FSTL4: variants seen among roughly 807,000 people sequenced by gnomAD.
FSTL4 encodes the protein follistatin-related protein 4.
Under a neutral mutation model 78.2 loss-of-function variants are expected in FSTL4, and 28 were observed. The observed-to-expected ratio is 0.36, with a 90% CI of 0.27 to 0.49. The LOEUF (loss-of-function observed/expected upper bound fraction) is 0.49. Ranked by LOEUF, FSTL4 falls within the 20% of genes least tolerant of loss-of-function variation. The pLI is 0.98. For synonymous variants in FSTL4, 422 were observed against 440.5 expected (o/e 0.96, Z 0.53); for missense variants, 922 against 1,084.9 (o/e 0.85, Z 2.11).
Position 133,233,405 on chromosome 5 carries a change from C to G in FSTL4, c.1015+12G>C, listed in dbSNP as rs906184760. On this transcript the variant is annotated intron_variant, in intron 8 of 15. Transcript: ENST00000265342. ...CTATGAGGGGACAACATGCATGGAG[C>G]CATTTACTAACCATTCACCTGCAGG... 61 of 1,613,946 alleles carry G rather than the reference C, an allele frequency of 3.8e-5. No homozygotes were observed. The highest frequency in any genetic ancestry group is 5.2e-5 in the Non-Finnish European group (61 of 1,179,974).
chr5:133,402,224 A>G (rs1375782467), intron 3 of FSTL4, among the ~76,000 whole-genome samples: 1 of 152,182 alleles, frequency 6.6e-6, no homozygotes, highest in Non-Finnish European at 1.5e-5. Flanking sequence ...TACAACACCC[A>G]CAGTGATCTC....
chr5:133,432,131 G>A (rs1203682988), intron 3 of FSTL4, among the ~76,000 whole-genome samples: 1 of 152,052 alleles, frequency 6.6e-6, no homozygotes, highest in African/African-American at 2.4e-5. Context: ...CTCCATTCAA[G>A]CAGGGCAAGA....
At chr5:133,604,093 G>T in intron 1 of FSTL4, 100 bp from the exon 2 acceptor site, 1 of 846,894 alleles carries the variant, frequency 1.2e-6, no homozygotes, top group Non-Finnish European at 1.9e-6. Flanking sequence ...GATAAGCCTG[G>T]GTTTAAATCC....
chr5:133,582,837 C>A (rs256262), intron 2 of FSTL4, among the ~76,000 whole-genome samples: 55 of 152,042 alleles, frequency 3.6e-4, no homozygotes, highest in African/African-American at 1.3e-3. Flanking sequence ...CCCTGTATGT[C>A]CCTGGGCTAT....
At chr5:133,761,246 G>A in the FSTL4 span, among the ~76,000 whole-genome samples, 1 of 151,882 alleles carries the variant, frequency 6.6e-6, no homozygotes, top group Non-Finnish European at 1.5e-5. Flanking sequence ...CATCCAGGAA[G>A]AAGTCATTTC....
chr5:133,448,652 T>G lies in FSTL4; in HGVS notation c.161-47666A>C, dbSNP rs1757315262. On this transcript the variant is annotated intron_variant, in intron 3 of 15. Transcript: ENST00000265342. ...ATTGGGAACACACTAACGTCCCCAC[T>G]CTCGAGACAGAAGACTGAGGTTGAG... Among the ~76,000 whole-genome samples the G allele has an allele frequency of 2.1e-5, 3 of 143,040 alleles. No individual in the cohort carries two copies. In the Admixed American group the frequency reaches 2.2e-4, roughly 10 times the overall value. The allele number at this position is 143,040 out of a possible 152,430, so 93.8% of individuals were successfully genotyped here. A position where few individuals can be genotyped will look rare whatever the true frequency, so the allele number is the denominator to read the frequency against.
intron 3 of FSTL4, among the ~76,000 whole-genome samples, chr5:133,529,028 G>A (rs1228374619): frequency 2.6e-5 from 4 of 152,102 alleles, no homozygotes; most frequent in East Asian, 1.9e-4. Context: ...CTCTTGCTCC[G>A]GCTGCCTGGG....
intron 3 of FSTL4, among the ~76,000 whole-genome samples, chr5:133,476,283 G>A (rs1480176127): frequency 3.9e-5 from 6 of 152,250 alleles, no homozygotes; most frequent in Admixed American, 2.0e-4. Flanking sequence ...GGAACTGGGC[G>A]GCTAGTGAGT....
chr5:133,494,873 G>A (rs1274988761), intron 3 of FSTL4, among the ~76,000 whole-genome samples: 1 of 152,222 alleles, frequency 6.6e-6, no homozygotes, highest in African/African-American at 2.4e-5. Context: ...GGCATCTTAT[G>A]CAAATGTTTT....
chr5:133,482,637 T>C (rs1057510874), intron 3 of FSTL4, among the ~76,000 whole-genome samples: 3 of 152,146 alleles, frequency 2.0e-5, no homozygotes, highest in Admixed American at 6.5e-5. Flanking sequence ...GCCCCAGCTA[T>C]GGTGAGAGTG....
In FSTL4 at chr5:133,494,067, A is replaced by T. The variant is rs372392666; in HGVS notation, c.160+73119T>A. 7.9e-5 allele frequency among the ~76,000 whole-genome samples: 12 copies of T among 152,328 alleles called. No individual in the cohort carries two copies. The South Asian group carries it at 2.3e-3, about 29-fold the overall frequency. ...CTATGTGCCAGAAACTGTTTTAAGC[A>T]CTTTAGCCATACTAAGATATCTGGT... On this transcript the variant is annotated intron_variant, in intron 3 of 15. Coordinates refer to ENST00000265342, the MANE Select transcript of FSTL4 (RefSeq NM_015082.2).
chr5:133,646,779 G>C, the FSTL4 span, among the ~76,000 whole-genome samples: 623 of 152,244 alleles, frequency 4.1e-3, 6 homozygotes, highest in Non-Finnish European at 6.2e-3. Flanking sequence ...GCCATTTATT[G>C]AGTTGAGAAG....
rs1412680936 is a variant in FSTL4, at chr5:133,361,166, G to A, written c.409+39572C>T. 3.3e-5 allele frequency among the ~76,000 whole-genome samples: 5 copies of A among 152,184 alleles called. No homozygotes were observed. Among genetic ancestry groups the A allele is most frequent in the Middle Eastern group, 3.4e-3 (1 of 294 alleles). On this transcript the variant is annotated intron_variant, in intron 4 of 15. Transcript: ENST00000265342. The surrounding 1 kb of genome is among the most constrained non-coding windows in gnomAD (Gnocchi z 4.3). ...AGAGCAAGTCTGAAACATGATTCCC[G>A]ACCTCTTCTCGCTCTAATAAACTTT...
chr5:133,684,924 A>G, the FSTL4 span, among the ~76,000 whole-genome samples: 1 of 152,222 alleles, frequency 6.6e-6, no homozygotes, highest in Non-Finnish European at 1.5e-5. Context: ...GAGAAGCTCC[A>G]GGGATTGAGA....
intron 3 of FSTL4, among the ~76,000 whole-genome samples, chr5:133,430,812 C>CT (rs572834681): frequency 1.9e-4 from 29 of 152,282 alleles, no homozygotes; most frequent in African/African-American, 6.7e-4. Flanking sequence ...GTGCTTAACT[C>CT]TAACTTGGCA....
the FSTL4 span, among the ~76,000 whole-genome samples, chr5:133,664,910 G>C: frequency 6.6e-6 from 1 of 152,210 alleles, no homozygotes; most frequent in Middle Eastern, 3.4e-3. Flanking sequence ...ATGTCTCCTT[G>C]ATTAGGATAT....
intron 3 of FSTL4, among the ~76,000 whole-genome samples, chr5:133,500,332 T>TCATG (rs1758466684): frequency 6.6e-6 from 1 of 152,204 alleles, no homozygotes; most frequent in Non-Finnish European, 1.5e-5. Context: ...AGACTGGAGC[T>TCATG]CATGCTTACT....
chr5:133,814,172 G>A, the FSTL4 span, among the ~76,000 whole-genome samples: 1 of 152,220 alleles, frequency 6.6e-6, no homozygotes, highest in Non-Finnish European at 1.5e-5. Flanking sequence ...TGGGAAGAGT[G>A]AGAAATTTAA....
chr5:133,479,671 C>T (rs1381939651), intron 3 of FSTL4, among the ~76,000 whole-genome samples: 1 of 152,066 alleles, frequency 6.6e-6, no homozygotes, highest in Admixed American at 6.6e-5. Context: ...TAGGGGTTGC[C>T]TAGGGCTGGG....
Sources: allele counts gnomAD v4.1 joint callset (sites outside exome capture counted in the v4.1 genomes callset), GRCh38; gene constraint gnomAD v4.1.1; non-coding constraint Gnocchi (gnomAD v3.1); transcripts MANE v1.5; gene names NCBI Gene and HGNC (gene_info 2026-07-23, HGNC 2026-07-21).